Variants in NELL1 observed in about 807,000 individuals in gnomAD.
NELL1 encodes the protein protein kinase C-binding protein NELL1.
A neutral mutation model predicts 107.4 loss-of-function variants in NELL1; 76 were observed. That is an observed-to-expected ratio of 0.71 (90% CI 0.59 to 0.86). The LOEUF (loss-of-function observed/expected upper bound fraction) is 0.86, where lower values mean the gene tolerates loss of function less well. Among genes scored for constraint, NELL1 ranks in the 40% least tolerant of loss-of-function variants. The pLI, the probability that NELL1 is intolerant of heterozygous loss-of-function variation, is 0.00. For missense variants in NELL1, 1,024 were observed against 1,005.5 expected (o/e 1.02, Z -0.25); for synonymous variants, 353 against 341.2 (o/e 1.03, Z -0.38).
intron 7 of NELL1, among the ~76,000 whole-genome samples, chr11:20,924,057 A>G (rs570103515): frequency 6.6e-6 from 1 of 152,374 alleles, no homozygotes; most frequent in East Asian, 1.9e-4. Flanking sequence ...AGAGGTAGAC[A>G]GAATAGAGAT....
At chr11:21,237,228 C>A (rs1858232279) in intron 14 of NELL1, among the ~76,000 whole-genome samples, 1 of 152,042 alleles carries the variant, frequency 6.6e-6, no homozygotes, top group Admixed American at 6.6e-5. Flanking sequence ...ACTGTAGGAT[C>A]TGCAATAATG....
intron 9 of NELL1, among the ~76,000 whole-genome samples, chr11:20,934,420 TAA>T (rs2134181006): frequency 6.6e-6 from 1 of 152,344 alleles, no homozygotes; most frequent in Admixed American, 6.5e-5. Flanking sequence ...TTAATTTTTA[TAA>T]GAGACTGGTG....
intron 14 of NELL1, among the ~76,000 whole-genome samples, chr11:21,326,142 A>G (rs1590839336): frequency 1.1e-5 from 1 of 91,994 alleles, no homozygotes; most frequent in East Asian, 2.9e-4. Context: ...TTGGCTTTAT[A>G]TCTACCATTT....
intron 2 of NELL1, among the ~76,000 whole-genome samples, chr11:20,684,973 A>G (rs780886031): frequency 2.6e-4 from 40 of 151,652 alleles, no homozygotes; most frequent in Non-Finnish European, 4.0e-4. Flanking sequence ...TCCTTGGGTA[A>G]TTTTCTAACA....
In NELL1 at chr11:21,370,853, C is replaced by T; in HGVS notation, c.1550C>T (p.Ala517Val). 1 of 1,610,628 alleles carries T rather than the reference C, an allele frequency of 6.2e-7. No homozygotes were observed. The change falls in exon 15 of 20, where the codon GCT (alanine) becomes GTT (valine). Residue 517 changes from alanine (A) to valine (V), a missense_variant and splice_region_variant. Transcript: ENST00000357134. Reference sequence around the variant, plus strand: ...TAAATACTTTGTTCTCTTGCAACAGCTTTCTGTGAAGAGGGCTGCAGATAC... The same window carrying T: ...TAAATACTTTGTTCTCTTGCAACAGTTTTCTGTGAAGAGGGCTGCAGATAC... ...GYVGNGTICR[A>V]FCEEGCRYGG...
At chr11:21,026,773 A>T (rs1219062473) in intron 12 of NELL1, among the ~76,000 whole-genome samples, 4 of 152,150 alleles carry the variant, frequency 2.6e-5, no homozygotes, top group African/African-American at 9.7e-5. Flanking sequence ...TGAGTTAAGT[A>T]ATCTTACCAA....
chr11:21,295,487 A>G (rs570887734), intron 14 of NELL1, among the ~76,000 whole-genome samples: 30 of 152,222 alleles, frequency 2.0e-4, no homozygotes, highest in African/African-American at 7.0e-4. Flanking sequence ...ATGATGTGCT[A>G]TTGAAACAAA....
chr11:21,500,029 G>A (rs1453686202), intron 15 of NELL1, among the ~76,000 whole-genome samples: 2 of 152,082 alleles, frequency 1.3e-5, no homozygotes, highest in African/African-American at 2.4e-5. Flanking sequence ...CAGTAAAAAG[G>A]ATACGTTTAA....
intron 13 of NELL1, among the ~76,000 whole-genome samples, chr11:21,146,071 C>T (rs1322809808): frequency 1.3e-5 from 2 of 152,078 alleles, no homozygotes; most frequent in Non-Finnish European, 1.5e-5. Context: ...AAGTTTCATC[C>T]TACTCGTTGG....
intron 14 of NELL1, among the ~76,000 whole-genome samples, chr11:21,269,513 T>G (rs1234437155): frequency 1.3e-5 from 2 of 151,950 alleles, no homozygotes; most frequent in African/African-American, 4.8e-5. Flanking sequence ...TTAGAAATCA[T>G]GCAAACAAGA....
chr11:21,519,299 C>G (rs1855654065), intron 15 of NELL1, among the ~76,000 whole-genome samples: 2 of 152,270 alleles, frequency 1.3e-5, no homozygotes, highest in South Asian at 4.1e-4. Context: ...AAGTAGAGTT[C>G]TCAGATGATT....
At chr11:20,910,158 G>T (rs547857006) in intron 5 of NELL1, among the ~76,000 whole-genome samples, 6 of 152,136 alleles carry the variant, frequency 3.9e-5, no homozygotes, top group African/African-American at 1.2e-4. Flanking sequence ...CAATGTTGAC[G>T]ACTGGACCAT....
At chr11:20,974,658 A>C (rs2134234173) in intron 12 of NELL1, among the ~76,000 whole-genome samples, 1 of 152,266 alleles carries the variant, frequency 6.6e-6, no homozygotes, top group Admixed American at 6.5e-5. Flanking sequence ...ATAAGCTATG[A>C]TGAATAGCAT....
chr11:21,015,454 C>T (rs1852543463), intron 12 of NELL1, among the ~76,000 whole-genome samples: 1 of 152,098 alleles, frequency 6.6e-6, no homozygotes, highest in South Asian at 2.1e-4. Flanking sequence ...AAATGCCTGT[C>T]CAGGTGGTGT....
At chr11:21,101,478 C>T (rs1854811232) in intron 12 of NELL1, among the ~76,000 whole-genome samples, 1 of 152,186 alleles carries the variant, frequency 6.6e-6, no homozygotes, top group South Asian at 2.1e-4. Flanking sequence ...GTTCCTATTT[C>T]TCCACATCCT....
At chr11:21,365,998 C>T (rs1321257085) in intron 14 of NELL1, among the ~76,000 whole-genome samples, 1 of 152,124 alleles carries the variant, frequency 6.6e-6, no homozygotes, top group Non-Finnish European at 1.5e-5. Context: ...TTTAAACATT[C>T]ATGGTCTCGA....
At chr11:21,309,150 T>G (rs1301138410) in intron 14 of NELL1, among the ~76,000 whole-genome samples, 4 of 150,676 alleles carry the variant, frequency 2.7e-5, no homozygotes, top group Middle Eastern at 3.4e-3. Flanking sequence ...TTAATGTTAT[T>G]AAGGTCACAT....
At position 21,337,735 on chromosome 11, in the gene NELL1, CCTTTCTTTCTTTCTTTCTTTCTTT is replaced by C. The variant is rs34658936; in HGVS notation, c.1550-33080_1550-33057del. ...CCGCTTTTCATTCTTTTCTTTCTTTCCTTTCTTTCTTTCTTTCTTTCTTTCTTTCTTTCTTTCTTTCTTTCTTTC... is the reference window on the plus strand; with the variant it reads ...CCGCTTTTCATTCTTTTCTTTCTTTCCTTTCTTTCTTTCTTTCTTTCTTTC... On this transcript the variant is annotated intron_variant, in intron 14 of 19. Transcript: ENST00000357134. 1.3e-3 allele frequency among the ~76,000 whole-genome samples: 133 copies of C among 105,372 alleles called. 1 individual carries two copies. The highest frequency in any genetic ancestry group is 4.5e-3 in the African/African-American group (121 of 27,068). The allele number at this position is 105,372 out of a possible 152,430, so 69.1% of individuals were successfully genotyped here.
At chr11:20,813,499 T>C (rs111230608) in intron 3 of NELL1, among the ~76,000 whole-genome samples, 2,084 of 152,292 alleles carry the variant, frequency 0.014, 59 homozygotes, top group African/African-American at 0.047. Context: ...CTCATTTGTC[T>C]CTTTTAGTTC....
Sources: allele counts gnomAD v4.1 joint callset (sites outside exome capture counted in the v4.1 genomes callset), GRCh38; gene constraint gnomAD v4.1.1; transcripts MANE v1.5; gene names NCBI Gene and HGNC (gene_info 2026-07-23, HGNC 2026-07-21).